Variants in DAB1 observed in about 807,000 individuals in gnomAD.
DAB1 encodes DAB adaptor protein 1, also known as disabled homolog 1.
Under a neutral mutation model 64.6 loss-of-function variants are expected in DAB1, and 15 were observed. That is an observed-to-expected ratio of 0.23 (90% CI 0.16 to 0.36). DAB1 has a LOEUF of 0.36. DAB1 is among the 10% of genes least tolerant of loss of function. The pLI, the probability that DAB1 is intolerant of heterozygous loss-of-function variation, is 1.00. For synonymous variants in DAB1, 235 were observed against 251.9 expected (o/e 0.93, Z 0.64); for missense variants, 596 against 706.7 (o/e 0.84, Z 1.78).
chr1:58,168,109 G>A (rs1264343460), intron 4 of DAB1, among the ~76,000 whole-genome samples: 2 of 152,158 alleles, frequency 1.3e-5, no homozygotes, highest in Non-Finnish European at 1.5e-5. Flanking sequence ...CTAAATACCG[G>A]GCACCTGTCA....
At chr1:57,778,699 A>T (rs1320051386) in intron 6 of DAB1, among the ~76,000 whole-genome samples, 1 of 152,092 alleles carries the variant, frequency 6.6e-6, no homozygotes, top group African/African-American at 2.4e-5. Flanking sequence ...TATATAGATA[A>T]ATAACTTCTT....
At chr1:57,800,829 C>A (rs1423821638) in intron 6 of DAB1, among the ~76,000 whole-genome samples, 1 of 152,110 alleles carries the variant, frequency 6.6e-6, no homozygotes, top group Non-Finnish European at 1.5e-5. Context: ...TGAGTGCTAC[C>A]CTTAAAGTAG....
At chr1:58,230,426 G>A (rs1659721532) in intron 4 of DAB1, among the ~76,000 whole-genome samples, 1 of 152,302 alleles carries the variant, frequency 6.6e-6, no homozygotes, top group African/African-American at 2.4e-5. Context: ...AGCAGGAGGA[G>A]TATTTGTTCC....
chr1:58,469,882 A>G (rs546265912), intron 3 of DAB1, among the ~76,000 whole-genome samples: 1 of 152,248 alleles, frequency 6.6e-6, no homozygotes, highest in South Asian at 2.1e-4. Flanking sequence ...TTTTAAAAAT[A>G]AATAATAATA....
intron 7 of DAB1, among the ~76,000 whole-genome samples, chr1:57,591,561 A>G (rs1409506108): frequency 6.6e-6 from 1 of 152,172 alleles, no homozygotes; most frequent in African/African-American, 2.4e-5. Flanking sequence ...TCTCGGTTCA[A>G]ATCCTGAAAC....
At chr1:57,888,912 C>T (rs767654687), upstream of DAB1, among the ~76,000 whole-genome samples, 7 of 152,212 alleles carry the variant, frequency 4.6e-5, no homozygotes, top group Admixed American at 2.0e-4. Flanking sequence ...CCTACACTCA[C>T]TCCTCTGTGG....
intron 7 of DAB1, among the ~76,000 whole-genome samples, chr1:57,486,835 A>G (rs560510861): frequency 6.6e-6 from 1 of 152,238 alleles, no homozygotes; most frequent in Non-Finnish European, 1.5e-5. Flanking sequence ...ATAGTATTGA[A>G]CAAAAATATA....
intron 3 of DAB1, among the ~76,000 whole-genome samples, chr1:58,452,873 A>AACCT (rs1410070847): frequency 1.3e-5 from 2 of 151,994 alleles, no homozygotes; most frequent in African/African-American, 4.8e-5. Context: ...AACAAAGCTA[A>AACCT]ACCTACACTT....
intron 5 of DAB1, among the ~76,000 whole-genome samples, chr1:58,117,114 C>A (rs966473355): frequency 2.0e-5 from 3 of 152,298 alleles, no homozygotes; most frequent in East Asian, 3.9e-4. Flanking sequence ...GTTTCTGCCA[C>A]TCACACAAAA....
At chr1:57,178,776 C>T (rs781223996) in intron 2 of DAB1, among the ~76,000 whole-genome samples, 4 of 151,804 alleles carry the variant, frequency 2.6e-5, no homozygotes. Flanking sequence ...TCCTATTCTT[C>T]TATCTGTATT....
intron 5 of DAB1, among the ~76,000 whole-genome samples, chr1:57,889,894 T>TGGG (rs1259975929): frequency 0.013 from 102 of 7,998 alleles, no homozygotes; most frequent in African/African-American, 0.046. Context: ...TAGCACAAAC[T>TGGG]GGGGCGGGGG....
chr1:57,560,212 T>C (rs1041025623), intron 7 of DAB1, among the ~76,000 whole-genome samples: 3 of 152,248 alleles, frequency 2.0e-5, no homozygotes, highest in Admixed American at 1.3e-4. Context: ...CAGTGGTATA[T>C]CAGTTCTCCG....
intron 1 of DAB1, among the ~76,000 whole-genome samples, chr1:57,843,332 G>T (rs1653136776): frequency 6.6e-6 from 1 of 152,156 alleles, no homozygotes; most frequent in Admixed American, 6.5e-5. Context: ...GTAGGTTTTA[G>T]ATTTATGCTC....
chr1:57,125,355 A>G (rs1353848292), intron 4 of DAB1, among the ~76,000 whole-genome samples: 1 of 152,212 alleles, frequency 6.6e-6, no homozygotes, highest in African/African-American at 2.4e-5. Context: ...TCTGTCCTTC[A>G]GGAACTTACA....
intron 1 of DAB1, among the ~76,000 whole-genome samples, chr1:58,537,698 T>TA (rs1213422991): frequency 2.7e-4 from 41 of 152,370 alleles, no homozygotes; most frequent in Admixed American, 2.7e-3. Flanking sequence ...TACAAATTCT[T>TA]AAAGTTCTCT....
chr1:57,297,092 C>A (rs189877122), intron 1 of DAB1, among the ~76,000 whole-genome samples: 9 of 151,808 alleles, frequency 5.9e-5, no homozygotes, highest in Admixed American at 2.0e-4. Context: ...AGTGTTCTGG[C>A]CAGGAATCTA....
At chr1:57,439,577 C>T (rs1217285388) in intron 7 of DAB1, among the ~76,000 whole-genome samples, 10 of 147,932 alleles carry the variant, frequency 6.8e-5, no homozygotes, top group African/African-American at 2.3e-4. Flanking sequence ...TACAGGCGCC[C>T]GCCACCGCGC....
intron 4 of DAB1, among the ~76,000 whole-genome samples, chr1:58,286,205 T>C (rs1661678045): frequency 6.6e-6 from 1 of 152,076 alleles, no homozygotes; most frequent in Non-Finnish European, 1.5e-5. Context: ...CCCAAAACTA[T>C]AAAAACCCAG....
intron 5 of DAB1, among the ~76,000 whole-genome samples, chr1:57,918,312 G>A (rs2102018934): frequency 1.3e-5 from 2 of 152,244 alleles, no homozygotes; most frequent in South Asian, 4.2e-4. Flanking sequence ...ATTTTGTAAA[G>A]AGGTTTATTT....
Sources: gnomAD v4.1 joint callset for allele counts (sites outside exome capture counted in the v4.1 genomes callset) on GRCh38, gnomAD v4.1.1 for gene constraint, MANE v1.5 for transcripts, NCBI Gene and HGNC (gene_info 2026-07-23, HGNC 2026-07-21) for gene names.